Variants in LSM8 observed in about 807,000 individuals in gnomAD.
LSM8 encodes LSM8 U6 small nuclear RNA associated.
Under a neutral mutation model 15.0 loss-of-function variants are expected in LSM8, and 14 were observed. That is an observed-to-expected ratio of 0.93 (90% confidence interval 0.62 to 1.46). The LOEUF (loss-of-function observed/expected upper bound fraction) is 1.46. LSM8 is among the 40% of genes most tolerant of loss of function. The pLI is 0.00. For synonymous variants in LSM8, 50 were observed against 42.1 expected (o/e 1.19, Z -0.73); for missense variants, 90 against 115.4 (o/e 0.78, Z 1.01).
chr7:118,184,281 G>A, intron 1 of LSM8, 27 bp downstream of exon 1: 1 of 1,469,396 alleles, frequency 6.8e-7, no homozygotes, highest in Non-Finnish European at 9.1e-7. Flanking sequence ...CGCCGCGGGC[G>A]TGAGCCGGGG....
Position 118,192,086 on chromosome 7 carries a change from G to A in LSM8, c.*84G>A. The A allele has an allele frequency of 1.2e-6, 1 of 840,958 alleles. No homozygotes were observed. The highest frequency in any genetic ancestry group is 1.8e-6 in the Non-Finnish European group (1 of 557,886). The allele number at this position is 840,958 out of a possible 1,614,324, so 52.1% of individuals were successfully genotyped here. On this transcript the variant is annotated 3_prime_UTR_variant, in exon 4 of 4. Transcript: ENST00000249299. ...GATGATATATGGAGTTTTTATGAGTGTGTCACTGGATTTTGACTCCTTATT... is the reference window on the plus strand; with the variant it reads ...GATGATATATGGAGTTTTTATGAGTATGTCACTGGATTTTGACTCCTTATT...
rs1266153906 is a variant in LSM8, at chr7:118,201,010, TACTTCA to T, written c.*9013_*9018del. On this transcript the variant is annotated 3_prime_UTR_variant, in exon 4 of 4. Transcript: ENST00000249299. ...GTAGCAATTGACTTGAAATTTGTGATACTTCAACTTGTGCTAGGTTGTAGTTTTGCT... is the reference window on the plus strand; with the variant it reads ...GTAGCAATTGACTTGAAATTTGTGATACTTGTGCTAGGTTGTAGTTTTGCT... Among the ~76,000 whole-genome samples, 1 of 152,138 alleles carries T rather than the reference TACTTCA, an allele frequency of 6.6e-6. No homozygotes were observed. The highest frequency in any genetic ancestry group is 2.4e-5 in the African/African-American group (1 of 41,456).
chr7:118,185,783 C>A, intron 2 of LSM8, 89 bp downstream of exon 2: 2 of 1,114,906 alleles, frequency 1.8e-6, no homozygotes, highest in Non-Finnish European at 1.4e-6. Flanking sequence ...AATGCCTAGA[C>A]AGCACATTAC....
chr7:118,184,919 T>A (rs2116316422), intron 1 of LSM8: 1 of 152,338 alleles, frequency 6.6e-6, no homozygotes, highest in African/African-American at 2.4e-5. Context: ...TGATGCGTTA[T>A]TGGTACCCTG....
rs1290856156 is a variant in LSM8, at chr7:118,201,874, G to C, written c.*9872G>C. 1.3e-5 allele frequency among the ~76,000 whole-genome samples: 2 copies of C among 152,022 alleles called. No individual in the cohort carries two copies. The highest frequency in any genetic ancestry group is 2.4e-5 in the African/African-American group (1 of 41,426). On this transcript the variant is annotated 3_prime_UTR_variant, in exon 4 of 4. Transcript: ENST00000249299. ...CAACTTTATCTTCTGGGTTTCCCTA[G>C]TCATAATTAAGGGTTTGGCCCTAGT...
intron 1 of LSM8, chr7:118,185,116 G>A (rs909827362): frequency 1.3e-5 from 2 of 152,120 alleles, no homozygotes; most frequent in South Asian, 2.1e-4. Flanking sequence ...AACCTTCCTA[G>A]TAGAAAAGTG....
chr7:118,189,745 C>T (rs1310166843), intron 3 of LSM8: 2 of 151,818 alleles, frequency 1.3e-5, no homozygotes, highest in Non-Finnish European at 2.9e-5. Context: ...CCTGTAATCC[C>T]AGCTACTTGG....
At position 118,188,468 on chromosome 7, in the gene LSM8, T is replaced by C. The variant is rs189344280; in HGVS notation, c.200+63T>C. 3 of 1,434,664 alleles carry C rather than the reference T, an allele frequency of 2.1e-6. No individual in the cohort carries two copies. The East Asian group carries it at 7.0e-5, about 34-fold the overall frequency. The allele number at this position is 1,434,664 out of a possible 1,614,324, so 88.9% of individuals were successfully genotyped here. ...TGCCTTACTTTATGGAGAAGAGGCTTTCCCCAAAATACCCTACTGTATTGT... is the reference window on the plus strand; with the variant it reads ...TGCCTTACTTTATGGAGAAGAGGCTCTCCCCAAAATACCCTACTGTATTGT... On this transcript the variant is annotated intron_variant, in intron 3 of 3. Transcript: ENST00000249299.
At position 118,198,818 on chromosome 7, in the gene LSM8, G is replaced by A. The variant is rs1809122916; in HGVS notation, c.*6816G>A. Among the ~76,000 whole-genome samples the A allele has an allele frequency of 6.6e-6, 1 of 152,138 alleles. No individual in the cohort carries two copies. The highest frequency in any genetic ancestry group is 2.1e-4 in the South Asian group (1 of 4,830). On this transcript the variant is annotated 3_prime_UTR_variant, in exon 4 of 4. Transcript: ENST00000249299. ...CTGGAAGAAAATCTCTTGAGTCCTT[G>A]GGATGTCTTACCTGTTAAGAGTGCT...
intron 3 of LSM8, chr7:118,190,812 C>CTT (rs1408027434): frequency 6.6e-6 from 1 of 152,002 alleles, no homozygotes; most frequent in Non-Finnish European, 1.5e-5. Flanking sequence ...TAGTATTCGT[C>CTT]TTTAGAATTT....
chr7:118,184,776 G>A (rs981951877), intron 1 of LSM8: 6 of 152,230 alleles, frequency 3.9e-5, no homozygotes, highest in African/African-American at 1.4e-4. Flanking sequence ...ATAGTGAGGA[G>A]CAAGTAACAA....
At position 118,196,171 on chromosome 7, in the gene LSM8, A is replaced by G. The variant is rs10227326; in HGVS notation, c.*4169A>G. ...AAGCCATTAATACATGCCAGGCAGT[A>G]TGCTCAAAGCTGTGGATAGGCCAGG... On this transcript the variant is annotated 3_prime_UTR_variant, in exon 4 of 4. Coordinates refer to ENST00000249299, the MANE Select transcript of LSM8 (RefSeq NM_016200.5). Among the ~76,000 whole-genome samples the G allele has an allele frequency of 0.71, 108,610 of 152,100 alleles. 39,030 individuals carry two copies. The highest frequency in any genetic ancestry group is 0.85 in the South Asian group (4,083 of 4,822).
rs1369231566 is a variant in LSM8 at position 118,203,344 on chromosome 7, C to G, written c.*11342C>G. Among the ~76,000 whole-genome samples the G allele has an allele frequency of 3.3e-5, 5 of 151,776 alleles. No homozygotes were observed. Among genetic ancestry groups the G allele is most frequent in the Admixed American group, 2.6e-4 (4 of 15,216 alleles). On this transcript the variant is annotated 3_prime_UTR_variant, in exon 4 of 4. Coordinates refer to ENST00000249299, the MANE Select transcript of LSM8 (RefSeq NM_016200.5). ...TTTCCCATTTCCCTTGAAGAAGATACTAATATTTCTGATATCATATAGGAG... is the reference window on the plus strand; with the variant it reads ...TTTCCCATTTCCCTTGAAGAAGATAGTAATATTTCTGATATCATATAGGAG...
rs1297749675 is a variant in LSM8, at chr7:118,202,021, T to TG, written c.*10020dup. Among the ~76,000 whole-genome samples, 1 of 152,128 alleles carries TG rather than the reference T, an allele frequency of 6.6e-6. No individual in the cohort carries two copies. Among genetic ancestry groups the TG allele is most frequent in the East Asian group, 1.9e-4 (1 of 5,192 alleles). ...ATTTGTAATATTCTGCTTTTGGACT[T>TG]GTAAGACCAAGAGCAGACTCCCTAA... On this transcript the variant is annotated 3_prime_UTR_variant, in exon 4 of 4. Transcript: ENST00000249299.
At position 118,201,886 on chromosome 7, in the gene LSM8, G is replaced by T. The variant is rs1464679125; in HGVS notation, c.*9884G>T. Among the ~76,000 whole-genome samples the T allele has an allele frequency of 6.6e-6, 1 of 151,974 alleles. No individual in the cohort carries two copies. The highest frequency in any genetic ancestry group is 2.4e-5 in the African/African-American group (1 of 41,394). On this transcript the variant is annotated 3_prime_UTR_variant, in exon 4 of 4. Coordinates refer to ENST00000249299, the MANE Select transcript of LSM8 (RefSeq NM_016200.5). ...CTGGGTTTCCCTAGTCATAATTAAGGGTTTGGCCCTAGTTCACAAGTAATC... is the reference window on the plus strand; with the variant it reads ...CTGGGTTTCCCTAGTCATAATTAAGTGTTTGGCCCTAGTTCACAAGTAATC...
At chr7:118,185,498 G>T (rs1808871455) in intron 1 of LSM8, 156 bp from the exon 2 acceptor site, 3 of 659,792 alleles carry the variant, frequency 4.5e-6, no homozygotes, top group Non-Finnish European at 7.8e-6. Flanking sequence ...TGGCGTCTAA[G>T]AAACTTTTAA....
Position 118,192,224 on chromosome 7 carries a change from G to T in LSM8, c.*222G>T. 2 of 354,740 alleles carry T rather than the reference G, an allele frequency of 5.6e-6. No homozygotes were observed. The highest frequency in any genetic ancestry group is 6.2e-5 in the South Asian group (1 of 16,200). 22.0% of individuals were successfully genotyped at this position (354,740 alleles called of 1,614,324 possible). On this transcript the variant is annotated 3_prime_UTR_variant, in exon 4 of 4. Transcript: ENST00000249299. ...TGGTTTCTTTTTTTTATTAAATAGT[G>T]TGAAAATATAATGGGCATTTTGAAA...
chr7:118,192,076 T>C lies in LSM8; in HGVS notation c.*74T>C. ...TTATTCTGAGGATGATATATGGAGTTTTTATGAGTGTGTCACTGGATTTTG... is the reference window on the plus strand; with the variant it reads ...TTATTCTGAGGATGATATATGGAGTCTTTATGAGTGTGTCACTGGATTTTG... On this transcript the variant is annotated 3_prime_UTR_variant, in exon 4 of 4. Transcript: ENST00000249299. 9.1e-7 allele frequency: 1 copy of C among 1,097,330 alleles called. No individual in the cohort carries two copies. The highest frequency in any genetic ancestry group is 1.3e-6 in the Non-Finnish European group (1 of 758,748). 68.0% of individuals were successfully genotyped at this position (1,097,330 alleles called of 1,614,324 possible). A position where few individuals can be genotyped will look rare whatever the true frequency, so the allele number is the denominator to read the frequency against.
Position 118,201,596 on chromosome 7 carries a change from G to C in LSM8, c.*9594G>C, listed in dbSNP as rs369124132. 1.3e-5 allele frequency among the ~76,000 whole-genome samples: 2 copies of C among 152,132 alleles called. No homozygotes were observed. ...AAAGCTCAGTAAAATTCATTAATTT[G>C]AGAATGTGTCTATATCATAGTAAAG... On this transcript the variant is annotated 3_prime_UTR_variant, in exon 4 of 4. Transcript: ENST00000249299.
Sources: gnomAD v4.1 joint callset for allele counts (sites outside exome capture counted in the v4.1 genomes callset) on GRCh38, gnomAD v4.1.1 for gene constraint, MANE v1.5 for transcripts, NCBI Gene and HGNC (gene_info 2026-07-23, HGNC 2026-07-21) for gene names.